Variants in CELF2 observed in about 807,000 individuals in gnomAD.
The protein encoded by CELF2 is CUG triplet repeat RNA-binding protein 2.
CELF2 carries 8 observed loss-of-function variants against 62.6 expected under a neutral mutation model. The observed-to-expected ratio is 0.13, with a 90% CI of 0.07 to 0.23. CELF2 has a LOEUF of 0.23. CELF2 is among the 10% of genes least tolerant of loss of function. CELF2 has a pLI of 1.00. For synonymous variants in CELF2, 258 were observed against 250.0 expected, an observed-to-expected ratio of 1.03 and a Z score of -0.30; for missense variants, 333 against 671.0, an observed-to-expected ratio of 0.50 and a Z score of 5.56.
At chr10:10,906,541 G>A (rs1421668818) in intron 1 of CELF2, among the ~76,000 whole-genome samples, 1 of 152,098 alleles carries the variant, frequency 6.6e-6, no homozygotes, top group African/African-American at 2.4e-5. Context: ...TAATTAAGCT[G>A]ATATTGACCA....
upstream of CELF2, among the ~76,000 whole-genome samples, chr10:11,014,867 G>C (rs1447940979): frequency 6.6e-6 from 1 of 152,194 alleles, no homozygotes; most frequent in East Asian, 1.9e-4. Context: ...AATTAGGGAA[G>C]GTAGGGGGAT....
chr10:10,525,868 T>C, the CELF2 span, among the ~76,000 whole-genome samples: 1 of 152,240 alleles, frequency 6.6e-6, no homozygotes. Flanking sequence ...GATCATATGA[T>C]AGCTCTATTT....
the CELF2 span, among the ~76,000 whole-genome samples, chr10:10,548,762 T>C: frequency 6.6e-6 from 1 of 152,190 alleles, no homozygotes; most frequent in Non-Finnish European, 1.5e-5. Flanking sequence ...TTTTCGTAAG[T>C]ATTTTGCCTT....
chr10:10,959,073 A>G (rs547947928), intron 2 of CELF2, among the ~76,000 whole-genome samples: 1 of 152,258 alleles, frequency 6.6e-6, no homozygotes, highest in African/African-American at 2.4e-5. Flanking sequence ...CCTGACCAAC[A>G]TGGTGAAACT....
At chr10:10,550,773 G>A in the CELF2 span, among the ~76,000 whole-genome samples, 22 of 151,432 alleles carry the variant, frequency 1.5e-4, no homozygotes, top group African/African-American at 4.4e-4. Context: ...ATCTCAGCTC[G>A]CTGCAACCTC....
chr10:11,103,972 A>G (rs2052619440), intron 1 of CELF2, among the ~76,000 whole-genome samples: 2 of 120,700 alleles, frequency 1.7e-5, no homozygotes, highest in Middle Eastern at 3.7e-3. Context: ...TGCAGGTAAT[A>G]ATATTTATGG....
chr10:10,610,121 A>G, the CELF2 span, among the ~76,000 whole-genome samples: 1 of 152,218 alleles, frequency 6.6e-6, no homozygotes, highest in Non-Finnish European at 1.5e-5. Context: ...AGGCTGCAAT[A>G]CCCTTTGATA....
intron 8 of CELF2, among the ~76,000 whole-genome samples, chr10:11,276,162 A>G (rs946319832): frequency 4.7e-5 from 7 of 148,652 alleles, no homozygotes; most frequent in Non-Finnish European, 7.4e-5. Context: ...TTCTTGTTTC[A>G]CTTCAAATGA....
At chr10:10,709,238 A>G in the CELF2 span, among the ~76,000 whole-genome samples, 1 of 152,228 alleles carries the variant, frequency 6.6e-6, no homozygotes, top group Non-Finnish European at 1.5e-5. Flanking sequence ...TGCTTCCCTG[A>G]TATGAGAGCA....
chr10:10,681,066 T>C, the CELF2 span, among the ~76,000 whole-genome samples: 1 of 152,210 alleles, frequency 6.6e-6, no homozygotes, highest in Non-Finnish European at 1.5e-5. Flanking sequence ...ATTGAATTAA[T>C]GATCTAGATA....
upstream of CELF2, among the ~76,000 whole-genome samples, chr10:11,004,717 G>A (rs1183058126): frequency 6.6e-6 from 1 of 152,058 alleles, no homozygotes; most frequent in African/African-American, 2.4e-5. This position sits in a 1 kb window ranked among gnomAD's most constrained non-coding sequence, Gnocchi z 5.0. Flanking sequence ...ATTCTGGTGC[G>A]CACAGAGTTA....
At chr10:10,826,713 G>GA (rs1181852273) in intron 1 of CELF2, among the ~76,000 whole-genome samples, 2 of 152,162 alleles carry the variant, frequency 1.3e-5, no homozygotes, top group Admixed American at 1.3e-4. Flanking sequence ...AGTGAAAATG[G>GA]AAATACCCAT....
At chr10:10,542,988 G>A in the CELF2 span, among the ~76,000 whole-genome samples, 1 of 152,134 alleles carries the variant, frequency 6.6e-6, no homozygotes, top group Non-Finnish European at 1.5e-5. Flanking sequence ...AGAGTCCTTT[G>A]GAATAATTCA....
chr10:10,543,321 AG>A, the CELF2 span, among the ~76,000 whole-genome samples: 6 of 152,208 alleles, frequency 3.9e-5, no homozygotes, highest in African/African-American at 1.2e-4. Context: ...GCTAAAAAAA[AG>A]CAAGTCTCAA....
chr10:11,319,357 G>A lies in CELF2; in HGVS notation c.1097-1832G>A, dbSNP rs1042812661. ...GAGGTGAGGATGAAGTAAGATCACTGGAGGAATAGAGAAATGACTCTCCAG... is the reference window on the plus strand; with the variant it reads ...GAGGTGAGGATGAAGTAAGATCACTAGAGGAATAGAGAAATGACTCTCCAG... On this transcript the variant is annotated intron_variant, in intron 10 of 12. Transcript: ENST00000633077. The surrounding 1 kb of genome is among the most constrained non-coding windows in gnomAD (Gnocchi z 4.4). 2.9e-6 allele frequency: 1 copy of A among 349,918 alleles called. No homozygotes were observed. The highest frequency in any genetic ancestry group is 5.7e-6 in the Non-Finnish European group (1 of 175,970). 21.7% of individuals were successfully genotyped at this position (349,918 alleles called of 1,614,324 possible).
chr10:10,596,255 G>GT, the CELF2 span, among the ~76,000 whole-genome samples: 1 of 90,724 alleles, frequency 1.1e-5, no homozygotes, highest in African/African-American at 2.9e-5. Flanking sequence ...ACTTCTACCT[G>GT]TAAAAAAAAA....
chr10:11,148,357 C>T (rs1277124957), intron 1 of CELF2, among the ~76,000 whole-genome samples: 3 of 152,220 alleles, frequency 2.0e-5, no homozygotes, highest in East Asian at 3.9e-4. Context: ...GAAGGCATTG[C>T]TTTTGCTGAC....
At chr10:10,877,375 T>C (rs1227399992) in intron 1 of CELF2, among the ~76,000 whole-genome samples, 3 of 152,228 alleles carry the variant, frequency 2.0e-5, no homozygotes, top group African/African-American at 2.4e-5. Flanking sequence ...TCAATCATCA[T>C]AGGTAAGTGA....
chr10:10,988,386 C>T (rs1214342941), intron 2 of CELF2, among the ~76,000 whole-genome samples: 1 of 151,660 alleles, frequency 6.6e-6, no homozygotes, highest in Non-Finnish European at 1.5e-5. Flanking sequence ...GAGCCAGAGG[C>T]CATTATTCTA....
Sources: allele counts gnomAD v4.1 joint callset (sites outside exome capture counted in the v4.1 genomes callset), GRCh38; gene constraint gnomAD v4.1.1; non-coding constraint Gnocchi (gnomAD v3.1); transcripts MANE v1.5; gene names NCBI Gene and HGNC (gene_info 2026-07-23, HGNC 2026-07-21).